The following HIKESHI variants were observed in gnomAD, a reference collection of about 807,000 sequenced individuals.
The protein encoded by HIKESHI is heat shock protein nuclear import factor hikeshi.
In HIKESHI, 13 loss-of-function variants were observed where a neutral mutation model predicts 25.7. The ratio of observed to expected loss-of-function variants is 0.51; its 90% CI spans 0.33 to 0.80. The LOEUF is 0.80. Among genes scored for constraint, HIKESHI ranks in the 30% least tolerant of loss-of-function variants. HIKESHI has a pLI of 0.02. For missense variants in HIKESHI, 174 were observed against 229.5 expected (o/e 0.76, Z 1.56); for synonymous variants, 76 against 78.7 (o/e 0.97, Z 0.18).
intron 2 of HIKESHI, among the ~76,000 whole-genome samples, chr11:86,330,383 TC>T (rs1413849339): frequency 6.6e-6 from 1 of 152,200 alleles, no homozygotes; most frequent in African/African-American, 2.4e-5. Flanking sequence ...ATATTTATCT[TC>T]ATTCTCATCA....
At chr11:86,334,371 G>A (rs1431266972) in intron 2 of HIKESHI, among the ~76,000 whole-genome samples, 1 of 151,850 alleles carries the variant, frequency 6.6e-6, no homozygotes, top group African/African-American at 2.4e-5. Flanking sequence ...TTTCCTCTGA[G>A]TTGTGTTTTG....
intron 1 of HIKESHI, among the ~76,000 whole-genome samples, chr11:86,303,024 G>C (rs928481481): frequency 6.6e-6 from 1 of 152,158 alleles, no homozygotes; most frequent in Non-Finnish European, 1.5e-5. Context: ...TTGGAAGTTG[G>C]CTGAAACTTA....
At position 86,306,313 on chromosome 11, in the gene HIKESHI, C is replaced by T. The variant is rs144440797; in HGVS notation, c.99C>T (p.Ile33=). 105 of 1,613,972 alleles carry T rather than the reference C, an allele frequency of 6.5e-5. No individual in the cohort carries two copies. In the African/African-American group the frequency reaches 1.2e-3, roughly 18 times the overall value. ...FVFDLPDYES[I]NHVVVFMLGT... is the part of the protein sequence containing the mutation. The stretch of plus-strand genomic sequence containing the variant: ...TTGACTTACCTGATTATGAAAGTAT[C>T]AACCATGTTGTGGTTTTTATGCTGG... The change falls in exon 2 of 5, where the codon ATC becomes ATT. Residue 33 remains isoleucine (I), a synonymous_variant. Transcript: ENST00000278483.
rs1484011107 is a variant in HIKESHI at position 86,306,181 on chromosome 11, ATACTGTTAAGAGT to A, written c.31-60_31-48del. On this transcript the variant is annotated intron_variant, in intron 1 of 4. Transcript: ENST00000278483. ...ATGCTGGTAATATAACTTATAAATG[ATACTGTTAAGAGT>A]TACAGAAACTCATAGAACCATTGAA... 4.9e-6 allele frequency: 5 copies of A among 1,021,030 alleles called. No individual in the cohort carries two copies. In the African/African-American group the frequency reaches 8.0e-5, roughly 16 times the overall value. 63.2% of individuals were successfully genotyped at this position (1,021,030 alleles called of 1,614,324 possible). A position where few individuals can be genotyped will look rare whatever the true frequency, so the allele number is the denominator to read the frequency against.
intron 2 of HIKESHI, among the ~76,000 whole-genome samples, chr11:86,319,325 G>T (rs1300627957): frequency 6.8e-6 from 1 of 146,528 alleles, no homozygotes; most frequent in African/African-American, 2.5e-5. Context: ...GCAGCCTCAA[G>T]CTCCAGGGCT....
intron 2 of HIKESHI, among the ~76,000 whole-genome samples, chr11:86,310,079 G>A (rs1477889379): frequency 2.0e-5 from 3 of 148,346 alleles, no homozygotes; most frequent in Non-Finnish European, 4.5e-5. Flanking sequence ...GAACTTTAAA[G>A]TAGTTTTTTC....
intron 3 of HIKESHI, among the ~76,000 whole-genome samples, chr11:86,341,517 CAAG>C (rs1364801494): frequency 1.4e-5 from 2 of 140,792 alleles, no homozygotes; most frequent in Admixed American, 1.5e-4. Context: ...TTTTTTGAGA[CAAG>C]GTCTTGCTCT....
At chr11:86,319,238 A>ATTTTTTTT (rs1246298090) in intron 2 of HIKESHI, among the ~76,000 whole-genome samples, 70 of 82,970 alleles carry the variant, frequency 8.4e-4, no homozygotes, top group East Asian at 5.0e-3. Context: ...ATATATATAT[A>ATTTTTTTT]TATATTTTTT....
chr11:86,307,003 G>GA (rs200914438), intron 2 of HIKESHI, among the ~76,000 whole-genome samples: 1,251 of 112,684 alleles, frequency 0.011, 74 homozygotes, highest in Admixed American at 0.022. Context: ...CTGTCTCAAA[G>GA]AAAAAAAAAA....
chr11:86,316,951 G>A (rs1240856598), intron 2 of HIKESHI, among the ~76,000 whole-genome samples: 4 of 151,608 alleles, frequency 2.6e-5, no homozygotes, highest in Admixed American at 2.6e-4. Flanking sequence ...CCACCACCAT[G>A]CCTGGCTAAT....
In HIKESHI at chr11:86,319,471, G is replaced by C. The variant is rs1947096923; in HGVS notation, c.268+12989G>C. 2.0e-5 allele frequency among the ~76,000 whole-genome samples: 3 copies of C among 149,650 alleles called. No homozygotes were observed. In the South Asian group the frequency reaches 6.4e-4, roughly 32 times the overall value. ...GGGGTTTTGCCATGCTGCCCAGGCT[G>C]GTCTCGAACTCCTGGGCTCAAGCAG... On this transcript the variant is annotated intron_variant, in intron 2 of 4. Transcript: ENST00000278483.
chr11:86,305,478 C>T (rs1372776318), intron 1 of HIKESHI, among the ~76,000 whole-genome samples: 3 of 152,028 alleles, frequency 2.0e-5, no homozygotes, highest in African/African-American at 7.3e-5. Flanking sequence ...CCTCTACCTC[C>T]TGGGTTCAAG....
intron 2 of HIKESHI, among the ~76,000 whole-genome samples, chr11:86,328,932 GCA>G (rs374398046): frequency 6.8e-4 from 92 of 135,252 alleles, no homozygotes; most frequent in Middle Eastern, 3.8e-3. Context: ...GTGTGTGCGC[GCA>G]CACACACACA....
intron 1 of HIKESHI, among the ~76,000 whole-genome samples, chr11:86,305,668 G>A (rs937828591): frequency 5.9e-5 from 9 of 152,246 alleles, no homozygotes; most frequent in Non-Finnish European, 8.8e-5. Flanking sequence ...GTGAGCCACC[G>A]TGCCTGGCCT....
At chr11:86,308,241 T>G (rs1163954207) in intron 2 of HIKESHI, among the ~76,000 whole-genome samples, 1 of 115,364 alleles carries the variant, frequency 8.7e-6, no homozygotes, top group African/African-American at 3.8e-5. Flanking sequence ...ATATATTATA[T>G]ATAAAATATA....
At chr11:86,303,608 C>T (rs1371429824) in intron 1 of HIKESHI, 3 of 158,078 alleles carry the variant, frequency 1.9e-5, no homozygotes, top group African/African-American at 7.2e-5. Context: ...ATGTATCTCT[C>T]ACGTTGTCAA....
chr11:86,338,149 G>A (rs984943120), intron 3 of HIKESHI, among the ~76,000 whole-genome samples: 3 of 152,042 alleles, frequency 2.0e-5, no homozygotes, highest in African/African-American at 4.8e-5. Flanking sequence ...GAAACTTTGT[G>A]CCCTTTGACC....
chr11:86,337,357 G>A, intron 2 of HIKESHI, 22 bp from the exon 3 acceptor site: 1 of 1,606,390 alleles, frequency 6.2e-7, no homozygotes, highest in South Asian at 1.1e-5. Context: ...TGAAATGTGT[G>A]TCATATGTTA....
chr11:86,307,003 GAAAA>G (rs200914438), intron 2 of HIKESHI, among the ~76,000 whole-genome samples: 1 of 112,698 alleles, frequency 8.9e-6, no homozygotes, highest in Admixed American at 9.3e-5. Flanking sequence ...CTGTCTCAAA[GAAAA>G]AAAAAATATA....
Sources: gnomAD v4.1 joint callset for allele counts (sites outside exome capture counted in the v4.1 genomes callset) on GRCh38, gnomAD v4.1.1 for gene constraint, MANE v1.5 for transcripts, NCBI Gene and HGNC (gene_info 2026-07-23, HGNC 2026-07-21) for gene names.